The following EEA1 variants were observed in gnomAD, a reference collection of about 807,000 sequenced individuals.
EEA1 encodes early endosome antigen 1, 162kD.
Under a neutral mutation model 209.2 loss-of-function variants are expected in EEA1, and 111 were observed. That is an observed-to-expected ratio of 0.53 (90% CI 0.45 to 0.62). The LOEUF (loss-of-function observed/expected upper bound fraction) is 0.62. Ranked by LOEUF, EEA1 falls within the 20% of genes least tolerant of loss-of-function variation. EEA1 has a pLI of 0.00. For missense variants in EEA1, 1,343 were observed against 1,530.8 expected, an observed-to-expected ratio of 0.88 and a Z score of 2.05; for synonymous variants, 536 against 540.6, an observed-to-expected ratio of 0.99 and a Z score of 0.12.
At chr12:92,902,721 A>G (rs1309584457) in intron 1 of EEA1, among the ~76,000 whole-genome samples, 1 of 146,980 alleles carries the variant, frequency 6.8e-6, no homozygotes, top group Non-Finnish European at 1.5e-5. Flanking sequence ...AGCCTGGGCA[A>G]CAGGGCGAAA....
intron 2 of EEA1, chr12:92,879,309 G>T (rs1879040727): frequency 2.3e-6 from 1 of 442,830 alleles, no homozygotes; most frequent in African/African-American, 2.0e-5. Flanking sequence ...CGGCACTCAA[G>T]TTTGGAATTT....
intron 9 of EEA1, among the ~76,000 whole-genome samples, chr12:92,844,419 C>A (rs893108125): frequency 2.6e-5 from 4 of 152,040 alleles, no homozygotes; most frequent in African/African-American, 9.7e-5. Context: ...ACACCTTATA[C>A]ACAGTGCTTC....
chr12:92,834,600 C>T (rs1431699310), intron 10 of EEA1, among the ~76,000 whole-genome samples: 1 of 138,696 alleles, frequency 7.2e-6, no homozygotes, highest in South Asian at 2.4e-4. Flanking sequence ...GACAGACAGA[C>T]TTAAAAGTAA....
At chr12:92,851,674 T>C (rs1877636931) in intron 8 of EEA1, among the ~76,000 whole-genome samples, 1 of 152,166 alleles carries the variant, frequency 6.6e-6, no homozygotes, top group Non-Finnish European at 1.5e-5. Context: ...AATTTATATA[T>C]TTATTGAGAG....
intron 5 of EEA1, among the ~76,000 whole-genome samples, chr12:92,855,270 A>C (rs1337692363): frequency 6.6e-6 from 1 of 152,238 alleles, no homozygotes; most frequent in South Asian, 2.1e-4. Context: ...TCTACTAAAA[A>C]TACAAAAAAT....
At chr12:92,873,007 A>G (rs530311149) in intron 2 of EEA1, among the ~76,000 whole-genome samples, 1 of 152,318 alleles carries the variant, frequency 6.6e-6, no homozygotes, top group Non-Finnish European at 1.5e-5. Flanking sequence ...CATCAGGGAG[A>G]AAGTAAATAA....
intron 18 of EEA1, among the ~76,000 whole-genome samples, chr12:92,807,026 T>C (rs1730783448): frequency 1.3e-5 from 2 of 152,080 alleles, no homozygotes; most frequent in African/African-American, 4.8e-5. Context: ...TGATCTCAGC[T>C]CACTGAAACT....
At chr12:92,852,668 T>C (rs1565835684) in intron 7 of EEA1, among the ~76,000 whole-genome samples, 3 of 152,086 alleles carry the variant, frequency 2.0e-5, no homozygotes, top group South Asian at 2.1e-4. Flanking sequence ...CAGAAGAAAA[T>C]GTATCTTCTC....
chr12:92,854,186 A>G (rs188731088), intron 5 of EEA1, among the ~76,000 whole-genome samples: 1 of 152,310 alleles, frequency 6.6e-6, no homozygotes, highest in East Asian at 1.9e-4. Context: ...ATTTTTTTGT[A>G]TGTTAATATA....
intron 1 of EEA1, among the ~76,000 whole-genome samples, chr12:92,903,054 C>T (rs1043606248): frequency 5.9e-5 from 9 of 151,432 alleles, no homozygotes; most frequent in African/African-American, 2.2e-4. Flanking sequence ...CCTGCCTCAG[C>T]CTCCCAAGTA....
intron 2 of EEA1, among the ~76,000 whole-genome samples, chr12:92,880,316 T>C (rs1456907819): frequency 2.7e-4 from 41 of 152,212 alleles, no homozygotes; most frequent in Non-Finnish European, 4.4e-5. Context: ...TGTTTTTGTT[T>C]TTTTTTGAGT....
At chr12:92,781,358 A>T (rs566334535) in intron 23 of EEA1, among the ~76,000 whole-genome samples, 5 of 152,232 alleles carry the variant, frequency 3.3e-5, no homozygotes, top group African/African-American at 7.2e-5. Flanking sequence ...ATTTCAGGGA[A>T]TATACACTGC....
At chr12:92,787,368 C>T (rs1874179891) in intron 22 of EEA1, among the ~76,000 whole-genome samples, 1 of 152,092 alleles carries the variant, frequency 6.6e-6, no homozygotes, top group Non-Finnish European at 1.5e-5. Flanking sequence ...AATCAAATAA[C>T]ATTACCAAAG....
intron 1 of EEA1, among the ~76,000 whole-genome samples, chr12:92,900,376 C>A (rs1425359139): frequency 1.3e-5 from 2 of 151,944 alleles, no homozygotes; most frequent in Non-Finnish European, 2.9e-5. Flanking sequence ...TTTAAACTTT[C>A]CCAAAATCTA....
chr12:92,829,556 ACTGT>A (rs1258800444), intron 11 of EEA1, among the ~76,000 whole-genome samples: 1 of 152,032 alleles, frequency 6.6e-6, no homozygotes, highest in East Asian at 1.9e-4. Context: ...AGGAGGGTGG[ACTGT>A]CTGAGCTCAA....
At chr12:92,811,873 T>A (rs1197065413) in intron 16 of EEA1, among the ~76,000 whole-genome samples, 3 of 151,486 alleles carry the variant, frequency 2.0e-5, no homozygotes, top group Admixed American at 6.6e-5. Flanking sequence ...AAAAAAAAAA[T>A]AAAATAAAAA....
intron 16 of EEA1, among the ~76,000 whole-genome samples, chr12:92,812,669 G>A (rs1242271847): frequency 6.6e-6 from 1 of 152,136 alleles, no homozygotes; most frequent in Non-Finnish European, 1.5e-5. Context: ...AAGGGATGGG[G>A]CAACAATTCA....
chr12:92,826,958 A>G (rs949124007), intron 12 of EEA1, among the ~76,000 whole-genome samples: 6 of 152,158 alleles, frequency 3.9e-5, no homozygotes, highest in African/African-American at 1.4e-4. Flanking sequence ...CTTAATAGTC[A>G]TAATTATCAC....
chr12:92,838,310 A>G (rs1877017681), intron 10 of EEA1, among the ~76,000 whole-genome samples: 1 of 152,202 alleles, frequency 6.6e-6, no homozygotes, highest in Non-Finnish European at 1.5e-5. Context: ...CATGTCCTTT[A>G]TTAATAGCTT....
Sources: gnomAD v4.1 joint callset for allele counts (sites outside exome capture counted in the v4.1 genomes callset) on GRCh38, gnomAD v4.1.1 for gene constraint, MANE v1.5 for transcripts, NCBI Gene and HGNC (gene_info 2026-07-23, HGNC 2026-07-21) for gene names.